ARID5B: variants seen among roughly 807,000 people sequenced by gnomAD.
ARID5B encodes the protein AT-rich interaction domain 5B.
ARID5B carries 13 observed loss-of-function variants against 97.2 expected under a neutral mutation model. The observed-to-expected ratio is 0.13, with a 90% confidence interval of 0.09 to 0.21. The LOEUF is 0.21. Ranked by LOEUF, ARID5B falls within the 10% of genes least tolerant of loss-of-function variation. ARID5B has a pLI of 1.00. For synonymous variants in ARID5B, 556 were observed against 570.3 expected (o/e 0.97, Z 0.36); for missense variants, 1,210 against 1,465.3 (o/e 0.83, Z 2.84).
chr10:61,935,415 G>A (rs1250230987), intron 2 of ARID5B, among the ~76,000 whole-genome samples: 2 of 151,980 alleles, frequency 1.3e-5, no homozygotes, highest in Non-Finnish European at 2.9e-5. Flanking sequence ...GCAGGGTCAT[G>A]GATGGATGGA....
At chr10:61,934,841 C>T (rs868164977) in intron 2 of ARID5B, among the ~76,000 whole-genome samples, 3 of 151,680 alleles carry the variant, frequency 2.0e-5, no homozygotes, top group Admixed American at 6.6e-5. Context: ...GGTGAAACCC[C>T]GTCTCTACTA....
At chr10:61,996,934 C>G (rs1028362577) in intron 3 of ARID5B, among the ~76,000 whole-genome samples, 3 of 151,140 alleles carry the variant, frequency 2.0e-5, no homozygotes, top group Non-Finnish European at 4.4e-5. Context: ...AAACTAACAA[C>G]CTTACTTTAA....
At chr10:61,932,349 G>T (rs570686304) in intron 2 of ARID5B, among the ~76,000 whole-genome samples, 1 of 152,036 alleles carries the variant, frequency 6.6e-6, no homozygotes, top group Non-Finnish European at 1.5e-5. Context: ...GACTGATCAG[G>T]GTCGTGGTTG....
At chr10:61,938,943 T>C (rs112613888) in intron 2 of ARID5B, among the ~76,000 whole-genome samples, 17,031 of 146,810 alleles carry the variant, frequency 0.12, 1,094 homozygotes, top group South Asian at 0.15. Flanking sequence ...CCTAATAACC[T>C]TTTTTTGTTC....
intron 2 of ARID5B, among the ~76,000 whole-genome samples, chr10:61,933,690 C>T (rs184341168): frequency 1.3e-5 from 2 of 152,348 alleles, no homozygotes; most frequent in East Asian, 1.9e-4. Context: ...TAGGTCTCAA[C>T]AGCAGGCTTA....
chr10:62,018,920 C>T (rs141103135), intron 4 of ARID5B, among the ~76,000 whole-genome samples: 2 of 152,266 alleles, frequency 1.3e-5, no homozygotes, highest in African/African-American at 2.4e-5. Flanking sequence ...TTACTGCTTG[C>T]TTTACTTGAG....
chr10:62,031,302 C>CA (rs1236664652), intron 4 of ARID5B, among the ~76,000 whole-genome samples: 4 of 152,216 alleles, frequency 2.6e-5, no homozygotes, highest in African/African-American at 9.6e-5. Flanking sequence ...GTCTTGGACA[C>CA]AGACAAAGAG....
At chr10:62,088,488 G>A (rs1248952362) in intron 9 of ARID5B, among the ~76,000 whole-genome samples, 1 of 152,228 alleles carries the variant, frequency 6.6e-6, no homozygotes, top group African/African-American at 2.4e-5. Flanking sequence ...ATGCCCAAGA[G>A]TGGAGCCTTA....
chr10:61,953,911 C>G (rs1440056552), intron 3 of ARID5B, among the ~76,000 whole-genome samples: 3 of 152,032 alleles, frequency 2.0e-5, no homozygotes, highest in African/African-American at 4.8e-5. Flanking sequence ...AAAAAGAATA[C>G]CAAGACAGAG....
intron 4 of ARID5B, among the ~76,000 whole-genome samples, chr10:62,019,998 A>C (rs558585558): frequency 6.6e-6 from 1 of 152,234 alleles, no homozygotes; most frequent in South Asian, 2.1e-4. Flanking sequence ...GACCCTCTGA[A>C]GAGAAGCGAG....
At chr10:62,043,419 G>C (rs1158008703) in intron 4 of ARID5B, among the ~76,000 whole-genome samples, 2 of 152,196 alleles carry the variant, frequency 1.3e-5, no homozygotes, top group Non-Finnish European at 2.9e-5. Context: ...TTCACTACAT[G>C]ATTTCAGAAC....
At chr10:61,966,243 T>C (rs540838433) in intron 3 of ARID5B, among the ~76,000 whole-genome samples, 4 of 152,150 alleles carry the variant, frequency 2.6e-5, no homozygotes, top group Non-Finnish European at 5.9e-5. Flanking sequence ...AATATATGCA[T>C]GATTTTAAGA....
In ARID5B at chr10:62,028,782, G is replaced by A. The variant is rs373636026; in HGVS notation, c.734-22106G>A. Among the ~76,000 whole-genome samples the A allele has an allele frequency of 4.6e-5, 7 of 152,054 alleles. No homozygotes were observed. In the East Asian group the frequency reaches 1.3e-3, roughly 29 times the overall value. On this transcript the variant is annotated intron_variant, in intron 4 of 9. Transcript: ENST00000279873. ...TTGAGACCAGCCTGGCCAACATGGC[G>A]AAATCCTGTCTCTACTAAAAATACA...
At chr10:62,033,474 C>A (rs1207425945) in intron 4 of ARID5B, among the ~76,000 whole-genome samples, 1 of 152,166 alleles carries the variant, frequency 6.6e-6, no homozygotes, top group Non-Finnish European at 1.5e-5. Flanking sequence ...TCAGCATAGA[C>A]AACAGTTCAG....
intron 3 of ARID5B, among the ~76,000 whole-genome samples, chr10:61,975,708 G>T (rs940138031): frequency 9.9e-5 from 15 of 152,266 alleles, no homozygotes; most frequent in Middle Eastern, 6.8e-3. Context: ...TATTGTCATT[G>T]CATTACTCTT....
At position 61,993,019 on chromosome 10, in the gene ARID5B, T is replaced by G. The variant is rs943214019; in HGVS notation, c.503-7072T>G. On this transcript the variant is annotated intron_variant, in intron 3 of 9. Coordinates refer to ENST00000279873, the MANE Select transcript of ARID5B (RefSeq NM_032199.3). ...CTATTCCGGATGGAATCTTGTTCTC[T>G]TTCCCTTTTAATCAGGCATTTAATT... 5.3e-5 allele frequency among the ~76,000 whole-genome samples: 8 copies of G among 152,320 alleles called. No homozygotes were observed. In the South Asian group the frequency reaches 1.7e-3, roughly 32 times the overall value.
intron 7 of ARID5B, among the ~76,000 whole-genome samples, chr10:62,060,025 G>A (rs1839902565): frequency 6.6e-6 from 1 of 152,154 alleles, no homozygotes; most frequent in African/African-American, 2.4e-5. Context: ...GACATAGGAA[G>A]ATGTTGTCAT....
intron 2 of ARID5B, among the ~76,000 whole-genome samples, chr10:61,927,314 C>A (rs1844124848): frequency 6.6e-6 from 1 of 152,058 alleles, no homozygotes; most frequent in African/African-American, 2.4e-5. Flanking sequence ...TTATATGAGA[C>A]CTTGACAAGT....
intron 2 of ARID5B, among the ~76,000 whole-genome samples, chr10:61,936,477 G>C (rs1264781344): frequency 1.3e-5 from 2 of 152,182 alleles, no homozygotes; most frequent in Non-Finnish European, 2.9e-5. Context: ...GATTAGCCAG[G>C]CGTGATGGCA....
Sources: allele counts gnomAD v4.1 joint callset (sites outside exome capture counted in the v4.1 genomes callset), GRCh38; gene constraint gnomAD v4.1.1; transcripts MANE v1.5; gene names NCBI Gene and HGNC (gene_info 2026-07-23, HGNC 2026-07-21).